HPSE2: variants seen among roughly 807,000 people sequenced by gnomAD.
The protein encoded by HPSE2 is heparanase 2 (inactive).
In HPSE2, 38 loss-of-function variants were observed where a neutral mutation model predicts 60.5. That is an observed-to-expected ratio of 0.63 (90% CI 0.48 to 0.82). The LOEUF (loss-of-function observed/expected upper bound fraction) is 0.82, where lower values mean the gene tolerates loss of function less well. HPSE2 is among the 40% of genes least tolerant of loss of function. The pLI is 0.00. For synonymous variants in HPSE2, 295 were observed against 293.2 expected, an observed-to-expected ratio of 1.01 and a Z score of -0.06; for missense variants, 713 against 740.4, an observed-to-expected ratio of 0.96 and a Z score of 0.43.
intron 9 of HPSE2, among the ~76,000 whole-genome samples, chr10:98,613,005 T>G (rs990209145): frequency 5.3e-5 from 8 of 152,182 alleles, no homozygotes; most frequent in African/African-American, 1.2e-4. Flanking sequence ...TCGGAGCTTT[T>G]GTGTTAGTTT....
At chr10:98,771,911 A>G (rs796257922) in intron 3 of HPSE2, among the ~76,000 whole-genome samples, 5 of 152,328 alleles carry the variant, frequency 3.3e-5, no homozygotes, top group African/African-American at 9.6e-5. Context: ...GTTGGAATGG[A>G]TATATTAATA....
intron 9 of HPSE2, among the ~76,000 whole-genome samples, chr10:98,509,646 C>T (rs897925962): frequency 6.6e-6 from 1 of 151,920 alleles, no homozygotes; most frequent in Non-Finnish European, 1.5e-5. Context: ...GGATTACAGG[C>T]GCCTGCCATC....
chr10:98,481,094 C>T (rs1019874670), intron 11 of HPSE2, among the ~76,000 whole-genome samples: 1 of 152,210 alleles, frequency 6.6e-6, no homozygotes, highest in Non-Finnish European at 1.5e-5. Context: ...CTTCCTGACA[C>T]TGGGCAGGCT....
At chr10:99,191,114 A>G (rs1848205135) in intron 2 of HPSE2, among the ~76,000 whole-genome samples, 1 of 152,056 alleles carries the variant, frequency 6.6e-6, no homozygotes, top group African/African-American at 2.4e-5. Context: ...GCAGTGGAAT[A>G]GAGTACCAAG....
At chr10:99,285,916 C>A in the HPSE2 span, among the ~76,000 whole-genome samples, 3 of 152,122 alleles carry the variant, frequency 2.0e-5, no homozygotes, top group Non-Finnish European at 4.4e-5. Flanking sequence ...TAGAGCAAGA[C>A]CCTGTCTCAA....
chr10:98,565,338 CT>C, intron 9 of HPSE2, among the ~76,000 whole-genome samples: 1 of 150,272 alleles, frequency 6.7e-6, no homozygotes, highest in Non-Finnish European at 1.5e-5. Flanking sequence ...CCCCCACCCC[CT>C]GACAGGGCCC....
intron 3 of HPSE2, among the ~76,000 whole-genome samples, chr10:98,985,997 C>A (rs7908444): frequency 0.11 from 17,257 of 152,064 alleles, 1,037 homozygotes; most frequent in South Asian, 0.21. Flanking sequence ...TAAAGCAAGT[C>A]CTTAGAGACC....
intron 3 of HPSE2, among the ~76,000 whole-genome samples, chr10:98,903,414 T>C (rs1953721233): frequency 1.3e-5 from 2 of 152,080 alleles, no homozygotes; most frequent in African/African-American, 4.8e-5. Flanking sequence ...ATGAATTGTA[T>C]GGTATGTGAA....
At chr10:99,296,855 G>A in the HPSE2 span, among the ~76,000 whole-genome samples, 4 of 152,168 alleles carry the variant, frequency 2.6e-5, no homozygotes, top group Non-Finnish European at 5.9e-5. Flanking sequence ...CTGCCTGCTG[G>A]CAATCCACAG....
Position 99,208,101 on chromosome 10 carries a change from A to G in HPSE2, c.448+24247T>C, listed in dbSNP as rs557462174. On this transcript the variant is annotated intron_variant, in intron 2 of 11. Coordinates refer to ENST00000370552, the MANE Select transcript of HPSE2 (RefSeq NM_021828.5). ...ATACCATAATAAAATTCAAACATGT[A>G]AATGTTTTCTTTCTTCCTCTTTCTC... 2.6e-5 allele frequency among the ~76,000 whole-genome samples: 4 copies of G among 151,392 alleles called. No individual in the cohort carries two copies. In the South Asian group the frequency reaches 6.2e-4, roughly 24 times the overall value.
intron 3 of HPSE2, among the ~76,000 whole-genome samples, chr10:99,102,751 G>A (rs1317248809): frequency 1.3e-5 from 2 of 152,072 alleles, no homozygotes; most frequent in Non-Finnish European, 2.9e-5. Context: ...CTGGCAAACC[G>A]AATCCAGCAG....
intron 3 of HPSE2, among the ~76,000 whole-genome samples, chr10:98,990,923 TA>T (rs1208054855): frequency 1.3e-5 from 2 of 152,140 alleles, no homozygotes; most frequent in Admixed American, 1.3e-4. Flanking sequence ...TATTCTAACA[TA>T]ACATCCTAAA....
chr10:98,984,892 T>C (rs1230631712), intron 3 of HPSE2, among the ~76,000 whole-genome samples: 14 of 152,206 alleles, frequency 9.2e-5, no homozygotes, highest in Admixed American at 7.9e-4. Flanking sequence ...AGGGTATCAG[T>C]GATGGAAGAT....
At chr10:99,060,540 C>G (rs1007947461) in intron 3 of HPSE2, among the ~76,000 whole-genome samples, 2 of 151,294 alleles carry the variant, frequency 1.3e-5, no homozygotes, top group Non-Finnish European at 2.9e-5. Context: ...TGCCTATAAT[C>G]CCAGCTACTC....
chr10:98,747,170 T>C (rs894850088), intron 3 of HPSE2, among the ~76,000 whole-genome samples: 1 of 152,114 alleles, frequency 6.6e-6, no homozygotes, highest in Non-Finnish European at 1.5e-5. Context: ...TCATAAAAAA[T>C]ACTCAATATT....
chr10:99,004,877 T>A (rs1046031492), intron 3 of HPSE2, among the ~76,000 whole-genome samples: 1 of 152,186 alleles, frequency 6.6e-6, no homozygotes, highest in Non-Finnish European at 1.5e-5. Flanking sequence ...AAAGTCTTGA[T>A]CTTGCCTTCA....
At chr10:99,294,299 G>C in the HPSE2 span, among the ~76,000 whole-genome samples, 1 of 148,796 alleles carries the variant, frequency 6.7e-6, no homozygotes, top group South Asian at 2.1e-4. Flanking sequence ...TAGAGACAGA[G>C]AGAGAGATGA....
At chr10:98,847,676 C>T (rs1254431699) in intron 3 of HPSE2, among the ~76,000 whole-genome samples, 1 of 152,206 alleles carries the variant, frequency 6.6e-6, no homozygotes, top group Admixed American at 6.5e-5. Context: ...CAGTTATTTG[C>T]CACCTCTGCC....
At chr10:98,766,060 C>G (rs1328931786) in intron 3 of HPSE2, among the ~76,000 whole-genome samples, 1 of 151,916 alleles carries the variant, frequency 6.6e-6, no homozygotes, top group African/African-American at 2.4e-5. Context: ...AGCTGAGAGA[C>G]ATACAAATTA....
Sources: allele counts gnomAD v4.1 joint callset (sites outside exome capture counted in the v4.1 genomes callset), GRCh38; gene constraint gnomAD v4.1.1; transcripts MANE v1.5; gene names NCBI Gene and HGNC (gene_info 2026-07-23, HGNC 2026-07-21).